Variants in VIT observed in about 807,000 individuals in gnomAD.
VIT encodes the protein vitrin.
Under a neutral mutation model 78.0 loss-of-function variants are expected in VIT, and 99 were observed. That is an observed-to-expected ratio of 1.27 (90% confidence interval 1.08 to 1.50). The LOEUF (loss-of-function observed/expected upper bound fraction) is 1.50, where lower values mean the gene tolerates loss of function less well. VIT is among the 40% of genes most tolerant of loss of function. The probability of loss-of-function intolerance (pLI) is 0.00; values close to 1 mark genes in which losing one functional copy is unlikely to be tolerated. For synonymous variants in VIT, 374 were observed against 334.3 expected (o/e 1.12, Z -1.29); for missense variants, 1,126 against 875.3 (o/e 1.29, Z -3.61).
intron 14 of VIT, among the ~76,000 whole-genome samples, chr2:36,805,975 C>T (rs909622844): frequency 2.0e-5 from 3 of 152,104 alleles, no homozygotes; most frequent in Admixed American, 6.5e-5. Context: ...TGCATGCAAG[C>T]GAACATACTC....
chr2:36,762,360 C>G (rs747302302), intron 6 of VIT, among the ~76,000 whole-genome samples: 9 of 152,176 alleles, frequency 5.9e-5, no homozygotes, highest in Non-Finnish European at 1.2e-4. Flanking sequence ...ACTAGATGAT[C>G]TATGATGGTC....
At chr2:36,775,855 C>G (rs181209080) in intron 9 of VIT, among the ~76,000 whole-genome samples, 35 of 152,226 alleles carry the variant, frequency 2.3e-4, no homozygotes, top group African/African-American at 8.2e-4. Context: ...CATTATGGCT[C>G]CTACAGGGGA....
chr2:36,789,299 A>C (rs981173674), intron 12 of VIT, among the ~76,000 whole-genome samples: 2 of 152,204 alleles, frequency 1.3e-5, no homozygotes, highest in African/African-American at 4.8e-5. Flanking sequence ...GGGTCAGACT[A>C]GATGATTTAT....
intron 3 of VIT, among the ~76,000 whole-genome samples, chr2:36,733,437 G>T (rs1413644135): frequency 6.6e-6 from 1 of 152,116 alleles, no homozygotes. Flanking sequence ...GCCTGGCAGG[G>T]GTCCACCCTA....
Position 36,781,772 on chromosome 2 carries a change from G to GTAAT in VIT, c.847+4_847+7dup. On this transcript the variant is annotated splice_donor_variant, in intron 10 of 15. Coordinates refer to ENST00000379242, the MANE Select transcript of VIT (RefSeq NM_053276.4). LOFTEE classifies it high-confidence loss of function. ...CCTGGATCGGTCCTTTTAGATGAAGGTAATTATACAGCCCAACCTCTCAGC... is the reference window on the plus strand; with the variant it reads ...CCTGGATCGGTCCTTTTAGATGAAGGTAATTAATTATACAGCCCAACCTCTCAGC... 3.7e-6 allele frequency: 6 copies of GTAAT among 1,614,134 alleles called. No homozygotes were observed. Among genetic ancestry groups the GTAAT allele is most frequent in the Non-Finnish European group, 4.2e-6 (5 of 1,180,004 alleles).
intron 9 of VIT, among the ~76,000 whole-genome samples, chr2:36,777,003 G>T (rs555579405): frequency 2.0e-5 from 3 of 148,418 alleles, no homozygotes; most frequent in South Asian, 4.4e-4. Flanking sequence ...GCAGGAGAAT[G>T]GCATGAACCC....
intron 1 of VIT, among the ~76,000 whole-genome samples, chr2:36,702,335 G>T (rs181559823): frequency 6.6e-6 from 1 of 151,946 alleles, no homozygotes; most frequent in East Asian, 1.9e-4. Flanking sequence ...ACCGCCTACC[G>T]CTCACTCACA....
chr2:36,720,597 T>C (rs2148460707), intron 2 of VIT, among the ~76,000 whole-genome samples: 1 of 152,370 alleles, frequency 6.6e-6, no homozygotes, highest in Admixed American at 6.5e-5. Context: ...AAATACTGTA[T>C]GATTTCATTT....
At chr2:36,812,843 G>A (rs1667274840) in intron 15 of VIT, among the ~76,000 whole-genome samples, 1 of 146,194 alleles carries the variant, frequency 6.8e-6, no homozygotes, top group African/African-American at 2.5e-5. Flanking sequence ...CAGTGTCTTG[G>A]TTTTGTTTTT....
intron 2 of VIT, among the ~76,000 whole-genome samples, chr2:36,729,073 C>T (rs1263205467): frequency 2.0e-5 from 3 of 151,914 alleles, no homozygotes; most frequent in Non-Finnish European, 2.9e-5. Context: ...AGATATATTT[C>T]GATACATAAA....
chr2:36,807,116 C>T (rs1224758164), intron 14 of VIT, among the ~76,000 whole-genome samples: 1 of 152,174 alleles, frequency 6.6e-6, no homozygotes, highest in African/African-American at 2.4e-5. Flanking sequence ...CCTGACGCCC[C>T]CTCCCCAGTT....
chr2:36,727,158 T>C lies in VIT; in HGVS notation c.53-2268T>C, dbSNP rs527325090. Among the ~76,000 whole-genome samples the C allele has an allele frequency of 4.6e-5, 7 of 152,190 alleles. No individual in the cohort carries two copies. The South Asian group carries it at 1.5e-3, about 32-fold the overall frequency. Reference sequence around the variant, plus strand: ...AACCCGGAGGGAATACTCAGGTCACTTCTCAGACATTGTGATGAGTGTCCT... The same window carrying C: ...AACCCGGAGGGAATACTCAGGTCACCTCTCAGACATTGTGATGAGTGTCCT... On this transcript the variant is annotated intron_variant, in intron 2 of 15. Transcript: ENST00000379242.
At chr2:36,756,727 A>G (rs183333456) in intron 5 of VIT, among the ~76,000 whole-genome samples, 2 of 152,338 alleles carry the variant, frequency 1.3e-5, no homozygotes, top group Non-Finnish European at 2.9e-5. Flanking sequence ...AAAATTCACA[A>G]CGGGAGCCAT....
At position 36,808,471 on chromosome 2, in the gene VIT, G is replaced by C. The variant is rs1349508924; in HGVS notation, c.1390-1G>C. 1 of 1,600,140 alleles carries C rather than the reference G, an allele frequency of 6.2e-7. No homozygotes were observed. Among genetic ancestry groups the C allele is most frequent in the African/African-American group, 1.3e-5 (1 of 74,700 alleles). On this transcript the variant is annotated splice_acceptor_variant, in intron 14 of 15. Transcript: ENST00000379242. LOFTEE classifies it high-confidence loss of function. ...GTGGGTCCCTCCCCTCTGTCTTCTA[G>C]GCCGTGTGCAGAACAAACGGCTTCT...
At chr2:36,790,879 A>T (rs1665443752) in intron 12 of VIT, among the ~76,000 whole-genome samples, 1 of 147,262 alleles carries the variant, frequency 6.8e-6, no homozygotes, top group South Asian at 2.3e-4. Context: ...TGCACCTAAT[A>T]CCAACAGGAA....
intron 6 of VIT, among the ~76,000 whole-genome samples, chr2:36,759,891 C>T (rs1669000407): frequency 6.6e-6 from 1 of 152,144 alleles, no homozygotes; most frequent in Non-Finnish European, 1.5e-5. Context: ...TCGGCCTATA[C>T]TATTACTCTG....
intron 2 of VIT, among the ~76,000 whole-genome samples, chr2:36,726,186 G>A (rs184863286): frequency 2.0e-5 from 3 of 152,026 alleles, no homozygotes; most frequent in East Asian, 1.9e-4. Flanking sequence ...ATAATGGATC[G>A]ATGCAAAGAT....
intron 12 of VIT, among the ~76,000 whole-genome samples, chr2:36,798,846 C>T (rs930539337): frequency 1.3e-5 from 2 of 152,184 alleles, no homozygotes; most frequent in Non-Finnish European, 2.9e-5. Context: ...AGCCACAGTG[C>T]TCCTCCACTG....
At chr2:36,788,861 G>T (rs1290459399) in intron 12 of VIT, among the ~76,000 whole-genome samples, 1 of 152,120 alleles carries the variant, frequency 6.6e-6, no homozygotes, top group East Asian at 1.9e-4. Flanking sequence ...TCAGGGAAAA[G>T]AAAAATGGCG....
Sources: allele counts gnomAD v4.1 joint callset (sites outside exome capture counted in the v4.1 genomes callset), GRCh38; gene constraint gnomAD v4.1.1; transcripts MANE v1.5; gene names NCBI Gene and HGNC (gene_info 2026-07-23, HGNC 2026-07-21).